Variants in EPRS1 observed in about 807,000 individuals in gnomAD.
The protein encoded by EPRS1 is glutamyl-prolyl-tRNA synthetase 1, also known as bifunctional glutamate/proline--tRNA ligase.
EPRS1 carries 107 observed loss-of-function variants against 188.3 expected under a neutral mutation model. The observed-to-expected ratio is 0.57, with a 90% CI of 0.49 to 0.67. EPRS1 has a LOEUF of 0.67. Ranked by LOEUF, EPRS1 falls within the 30% of genes least tolerant of loss-of-function variation. EPRS1 has a pLI of 0.00. For missense variants in EPRS1, 1,577 were observed against 1,802.2 expected (o/e 0.88, Z 2.26); for synonymous variants, 596 against 593.1 (o/e 1.00, Z -0.07).
intron 8 of EPRS1, among the ~76,000 whole-genome samples, chr1:220,023,923 G>C (rs1053782064): frequency 3.9e-5 from 6 of 152,204 alleles, no homozygotes; most frequent in Non-Finnish European, 1.5e-5. Context: ...GGAGGCCAAG[G>C]CAGGCAGATC....
In EPRS1 at chr1:219,979,487, A is replaced by T. The variant is rs753864140; in HGVS notation, c.3840T>A (p.Ile1280=). The change falls in exon 27 of 32, where the codon ATT becomes ATA. Residue 1280 remains isoleucine (I), a synonymous_variant. Transcript: ENST00000366923. The part of the protein sequence containing the change: ...QNSWGLTTRT[I]GVMTMVHGDN... ...CCCCATGAACCATGGTCATAACACC[A>T]ATAGTTCGAGTTGTCAGGCCCCAGG... is the stretch of plus-strand genomic sequence containing the variant. The T allele has an allele frequency of 1.1e-5, 17 of 1,613,994 alleles. No homozygotes were observed. The African/African-American group carries it at 2.3e-4, about 22-fold the overall frequency.
Position 219,968,940 on chromosome 1 carries a change from G to C in EPRS1, c.4405C>G (p.Pro1469Ala). 2 of 1,614,094 alleles carry C rather than the reference G, an allele frequency of 1.2e-6. No homozygotes were observed. Among genetic ancestry groups the C allele is most frequent in the Non-Finnish European group, 1.7e-6 (2 of 1,179,968 alleles). Residue 1469 changes from proline (P) to alanine (A), a missense_variant, in exon 32 of 32, where the codon CCT (proline) becomes GCT (alanine). Pro to Ala is a conservative substitution (Grantham distance 27). Coordinates refer to ENST00000366923, the MANE Select transcript of EPRS1 (RefSeq NM_004446.3). ...TTAGCTCCCATGGATGGAGCACCAG[G>C]TTCAAGATCTTGATCCCTGAAATTA... ...KTTARDQDLE[P>A]GAPSMGAKSL...
chr1:219,977,589 T>C (rs888226333), intron 28 of EPRS1, among the ~76,000 whole-genome samples: 3 of 152,118 alleles, frequency 2.0e-5, no homozygotes, highest in African/African-American at 4.8e-5. Flanking sequence ...ACAATAGCTA[T>C]TTATAAGTAA....
rs545333703 is a variant in EPRS1 at position 220,001,742 on chromosome 1, G to C, written c.2064-487C>G. Among the ~76,000 whole-genome samples the C allele has an allele frequency of 2.6e-5, 4 of 152,306 alleles. No homozygotes were observed. In the South Asian group the frequency reaches 8.3e-4, roughly 32 times the overall value. ...ACAAATGCATAAATAAAAATTGACA[G>C]TCTTGGCCGGGCGCAGTGGCTCACC... On this transcript the variant is annotated intron_variant, in intron 16 of 31. Transcript: ENST00000366923.
rs1156620038 is a variant in EPRS1 at position 220,024,441 on chromosome 1, C to T, written c.766G>A (p.Val256Ile). 6.3e-7 allele frequency: 1 copy of T among 1,598,200 alleles called. No individual in the cohort carries two copies. The highest frequency in any genetic ancestry group is 1.3e-5 in the African/African-American group (1 of 74,228). ...TCTGGTTTGATATGCAACATTGCAA[C>T]ATCTTCCAAGATAACCTGTAGTAAG... ...EDFEKVILED[V>I]AMLHIKPDQF... is the part of the protein sequence containing the mutation. The change falls in exon 8 of 32, where the codon GTT becomes ATT. Residue 256 changes from valine to isoleucine, a missense_variant. Around this residue, in one of 3 missense-constraint regions of EPRS1, gnomAD observed 1,278 missense variants for 1,457.4 expected, o/e 0.88. Transcript: ENST00000366923.
intron 2 of EPRS1, among the ~76,000 whole-genome samples, 185 bp from the exon 3 acceptor site, chr1:220,035,198 TG>T (rs1481121766): frequency 6.6e-6 from 1 of 152,240 alleles, no homozygotes; most frequent in Admixed American, 6.5e-5. Flanking sequence ...TTGCCCAAGC[TG>T]GAGTGCAATG....
intron 20 of EPRS1, 94 bp downstream of exon 20, chr1:219,987,048 T>G: frequency 7.6e-7 from 1 of 1,312,724 alleles, no homozygotes; most frequent in Non-Finnish European, 1.1e-6. Context: ...TAACTTAATG[T>G]GATGGTTAAA....
chr1:220,030,945 A>C (rs934167698), intron 5 of EPRS1, among the ~76,000 whole-genome samples: 2 of 152,140 alleles, frequency 1.3e-5, no homozygotes, highest in African/African-American at 4.8e-5. Context: ...TGCAAAAATT[A>C]GCTGGGCCTG....
intron 1 of EPRS1, among the ~76,000 whole-genome samples, chr1:220,045,428 C>G (rs761290421): frequency 5.9e-5 from 9 of 151,918 alleles, no homozygotes; most frequent in African/African-American, 2.2e-4. Flanking sequence ...CATCTGAGCC[C>G]GGAAGTTCGA....
At chr1:219,986,303 A>C (rs1558045824) in intron 20 of EPRS1, among the ~76,000 whole-genome samples, 2 of 152,264 alleles carry the variant, frequency 1.3e-5, no homozygotes, top group Non-Finnish European at 2.9e-5. Context: ...ATACGCTGTT[A>C]GGTGATTTCA....
At chr1:220,032,136 G>A (rs570661558) in intron 5 of EPRS1, among the ~76,000 whole-genome samples, 3 of 151,608 alleles carry the variant, frequency 2.0e-5, no homozygotes, top group South Asian at 2.1e-4. Flanking sequence ...GTGCAGTGGC[G>A]CGATCTCGGC....
intron 1 of EPRS1, among the ~76,000 whole-genome samples, chr1:220,044,298 G>C (rs1026370939): frequency 6.6e-6 from 1 of 152,134 alleles, no homozygotes; most frequent in Admixed American, 6.5e-5. Flanking sequence ...GGAGCAATTA[G>C]AAAAATGATA....
chr1:219,982,991 G>T, intron 22 of EPRS1, 147 bp from the exon 23 acceptor site: 1 of 767,654 alleles, frequency 1.3e-6, no homozygotes, highest in Non-Finnish European at 2.2e-6. Context: ...TGTGAGGAAA[G>T]GTACGCACTT....
rs532166962 is a variant in EPRS1, at chr1:219,980,005, G to T, written c.3711+80C>A. ...ACTTATTTTTTAAGAGTCTACTTCT[G>T]TGATGACAGAAGAAATTATTGGATC... On this transcript the variant is annotated intron_variant, in intron 26 of 31. Transcript: ENST00000366923. The T allele has an allele frequency of 4.0e-4, 493 of 1,222,002 alleles. 2 individuals carry two copies. In the Middle Eastern group the frequency reaches 4.9e-3, roughly 12 times the overall value. 75.7% of individuals were successfully genotyped at this position (1,222,002 alleles called of 1,614,324 possible). A position where few individuals can be genotyped will look rare whatever the true frequency, so the allele number is the denominator to read the frequency against.
chr1:219,969,215 C>A (rs548488245), intron 30 of EPRS1, 93 bp from the exon 31 acceptor site: 3 of 898,104 alleles, frequency 3.3e-6, no homozygotes, highest in Admixed American at 2.1e-5. Context: ...AACTGGCAAG[C>A]AAAAAGGATA....
Position 220,018,498 on chromosome 1 carries a change from C to T in EPRS1, c.1445G>A (p.Arg482His), listed in dbSNP as rs995368212. Residue 482 changes from arginine (R) to histidine (H), a missense_variant, in exon 12 of 32, where the codon CGT (arginine) becomes CAT (histidine). Around this residue, in one of 3 missense-constraint regions of EPRS1, gnomAD observed 1,278 missense variants for 1,457.4 expected, o/e 0.88. Transcript: ENST00000366923. The stretch of plus-strand genomic sequence containing the variant: ...GTCCCACTCCATGTTCACGACTGAA[C>T]GTGAGGAGCCCTAAAAAACAATAAC... ...KQFIAAQGSS[R>H]SVVNMEWDKI... 8 of 1,609,264 alleles carry T rather than the reference C, an allele frequency of 5.0e-6. No individual in the cohort carries two copies. In the South Asian group the frequency reaches 5.5e-5, roughly 11 times the overall value.
rs755360790 is a variant in EPRS1, at chr1:219,978,609, G to T, written c.4020C>A (p.Arg1340=). The T allele has an allele frequency of 4.8e-5, 77 of 1,608,540 alleles. No homozygotes were observed. Among genetic ancestry groups the T allele is most frequent in the Non-Finnish European group, 6.4e-5 (75 of 1,177,112 alleles). The part of the protein sequence containing the change: ...YRRRLLSVNI[R]VRADLRDNYS... ...AATTATCTCGTAAATCAGCTCTAAC[G>T]CGGATGTTAACACTGAGTAATCGCC... The change falls in exon 28 of 32, where the codon CGC becomes CGA. Residue 1340 remains arginine, a synonymous_variant. Transcript: ENST00000366923.
At chr1:220,024,218 G>A in intron 8 of EPRS1, 46 bp downstream of exon 8, 2 of 1,254,572 alleles carry the variant, frequency 1.6e-6, no homozygotes, top group Admixed American at 2.7e-5. Flanking sequence ...TACTAAAGAA[G>A]CACAATATAA....
At chr1:220,008,957 T>C (rs567739275) in intron 13 of EPRS1, among the ~76,000 whole-genome samples, 1 of 152,304 alleles carries the variant, frequency 6.6e-6, no homozygotes, top group African/African-American at 2.4e-5. Context: ...ATTACAGGCA[T>C]AAGCCACCAA....
Sources: gnomAD v4.1 joint callset for allele counts (sites outside exome capture counted in the v4.1 genomes callset) on GRCh38, gnomAD v4.1.1 for gene constraint, gnomAD v4.1.1 regional missense constraint, MANE v1.5 for transcripts, NCBI Gene and HGNC (gene_info 2026-07-23, HGNC 2026-07-21) for gene names.